The following ERICH1 variants were observed in gnomAD, a reference collection of about 807,000 sequenced individuals.
The protein encoded by ERICH1 is glutamate-rich protein 1.
Under a neutral mutation model 39.6 loss-of-function variants are expected in ERICH1, and 56 were observed. That is an observed-to-expected ratio of 1.41 (90% CI 1.14 to 1.77). ERICH1 has a LOEUF of 1.77. ERICH1 is among the 40% of genes most tolerant of loss of function. The pLI, the probability that ERICH1 is intolerant of heterozygous loss-of-function variation, is 0.00. For missense variants in ERICH1, 826 were observed against 575.4 expected, an observed-to-expected ratio of 1.44 and a Z score of -4.45; for synonymous variants, 313 against 223.6, an observed-to-expected ratio of 1.40 and a Z score of -3.57.
intron 3 of ERICH1, among the ~76,000 whole-genome samples, chr8:656,526 A>G (rs995619114): frequency 6.6e-6 from 1 of 152,188 alleles, no homozygotes; most frequent in African/African-American, 2.4e-5. Flanking sequence ...CTCTGGTGCT[A>G]TGGACCATGC....
chr8:684,141 C>A (rs923913203), intron 3 of ERICH1, among the ~76,000 whole-genome samples: 2 of 152,016 alleles, frequency 1.3e-5, no homozygotes, highest in Non-Finnish European at 2.9e-5. Flanking sequence ...AAATGGCCAA[C>A]AAAATGATAA....
intron 3 of ERICH1, among the ~76,000 whole-genome samples, chr8:643,269 C>T (rs984581414): frequency 2.0e-5 from 3 of 152,042 alleles, no homozygotes; most frequent in South Asian, 2.1e-4. Context: ...GCAGCAGGGA[C>T]GGGAAGCTGG....
At chr8:663,784 G>T (rs1390398928), downstream of ERICH1, among the ~76,000 whole-genome samples, 2 of 151,510 alleles carry the variant, frequency 1.3e-5, no homozygotes, top group African/African-American at 4.9e-5. Context: ...TTTTGAGCTG[G>T]AGTCTCGCTC....
intron 3 of ERICH1, among the ~76,000 whole-genome samples, chr8:657,932 A>C (rs1160358053): frequency 6.6e-6 from 1 of 152,128 alleles, no homozygotes; most frequent in Non-Finnish European, 1.5e-5. Flanking sequence ...AGGTGGTTTG[A>C]CTGGCTGGCG....
intron 3 of ERICH1, among the ~76,000 whole-genome samples, chr8:642,707 C>T (rs1381339978): frequency 1.3e-5 from 2 of 152,062 alleles, no homozygotes; most frequent in East Asian, 1.9e-4. Context: ...ATCCCACAAA[C>T]GCGTTGTTCC....
intron 3 of ERICH1, among the ~76,000 whole-genome samples, chr8:618,745 G>C (rs1277493192): frequency 2.0e-5 from 3 of 152,106 alleles, no homozygotes. Flanking sequence ...CTTAAACCTG[G>C]TGTCGTGGAC....
chr8:654,463 G>A (rs1010838245), intron 3 of ERICH1, among the ~76,000 whole-genome samples: 1 of 152,164 alleles, frequency 6.6e-6, no homozygotes, highest in African/African-American at 2.4e-5. Flanking sequence ...ATCTGGGTGT[G>A]GGTTACAGGG....
At chr8:688,806 C>A (rs1238948720) in intron 3 of ERICH1, among the ~76,000 whole-genome samples, 2 of 152,140 alleles carry the variant, frequency 1.3e-5, no homozygotes, top group African/African-American at 4.8e-5. Flanking sequence ...AAAAGGGTAT[C>A]GATGGGAAAT....
intron 3 of ERICH1, among the ~76,000 whole-genome samples, chr8:631,731 G>A (rs1030603188): frequency 5.3e-5 from 8 of 152,112 alleles, no homozygotes; most frequent in African/African-American, 1.2e-4. Flanking sequence ...TGGTGCAGCC[G>A]TCCACACCAT....
At chr8:665,777 G>T (rs1024897571) in intron 5 of ERICH1, among the ~76,000 whole-genome samples, 1 of 152,218 alleles carries the variant, frequency 6.6e-6, no homozygotes, top group African/African-American at 2.4e-5. Context: ...CTGAGGAAAA[G>T]TAACTGCTGA....
At chr8:720,591 GC>G (rs1364786473) in intron 1 of ERICH1, among the ~76,000 whole-genome samples, 1 of 152,192 alleles carries the variant, frequency 6.6e-6, no homozygotes, top group Non-Finnish European at 1.5e-5. Flanking sequence ...ATTTGGATGT[GC>G]TAATTCACGA....
At chr8:700,577 G>GGCCCTC (rs879900913) in intron 2 of ERICH1, among the ~76,000 whole-genome samples, 2 of 126,906 alleles carry the variant, frequency 1.6e-5, no homozygotes, top group African/African-American at 5.3e-5. Flanking sequence ...CAGGCGCACA[G>GGCCCTC]ACCCGCACAC....
intron 4 of ERICH1, 161 bp from the exon 5 acceptor site, chr8:668,953 C>T (rs1802733725): frequency 4.4e-6 from 3 of 689,442 alleles, no homozygotes; most frequent in Non-Finnish European, 7.1e-6. Context: ...CAGAACAGAG[C>T]TCAGCACAAA....
intron 2 of ERICH1, among the ~76,000 whole-genome samples, chr8:709,838 T>C (rs1335210315): frequency 2.0e-5 from 3 of 152,238 alleles, no homozygotes; most frequent in Non-Finnish European, 4.4e-5. Flanking sequence ...CATCCATCCA[T>C]GCATACAGCT....
At chr8:713,956 C>T (rs1024055324) in intron 2 of ERICH1, among the ~76,000 whole-genome samples, 4 of 144,304 alleles carry the variant, frequency 2.8e-5, no homozygotes, top group Admixed American at 1.3e-4. Flanking sequence ...TGCACCCAGG[C>T]GGCCTCTTCT....
downstream of ERICH1, among the ~76,000 whole-genome samples, chr8:663,264 C>T (rs1357004933): frequency 6.6e-6 from 1 of 152,184 alleles, no homozygotes; most frequent in Non-Finnish European, 1.5e-5. Context: ...CTCCATGCTG[C>T]CCATCTGAGC....
At chr8:699,550 A>T (rs1811198378) in intron 2 of ERICH1, among the ~76,000 whole-genome samples, 1 of 152,070 alleles carries the variant, frequency 6.6e-6, no homozygotes. Flanking sequence ...CGACTCACAA[A>T]AGCAGGCGTT....
intron 1 of ERICH1, among the ~76,000 whole-genome samples, chr8:718,402 C>T (rs2132375610): frequency 6.6e-6 from 1 of 152,326 alleles, no homozygotes; most frequent in African/African-American, 2.4e-5. Flanking sequence ...AGCATTTTCA[C>T]TGAATTCCAT....
At chr8:617,493 C>G (rs764447319) in intron 3 of ERICH1, among the ~76,000 whole-genome samples, 3 of 152,214 alleles carry the variant, frequency 2.0e-5, no homozygotes, top group Non-Finnish European at 4.4e-5. Context: ...TCCTCACTTC[C>G]CTCTGAATGC....
Sources: allele counts gnomAD v4.1 joint callset (sites outside exome capture counted in the v4.1 genomes callset), GRCh38; gene constraint gnomAD v4.1.1; transcripts MANE v1.5; gene names NCBI Gene and HGNC (gene_info 2026-07-23, HGNC 2026-07-21).